The following HIVEP1 variants were observed in gnomAD, a reference collection of about 807,000 sequenced individuals.
The protein encoded by HIVEP1 is HIVEP zinc finger 1, also known as zinc finger protein 40.
HIVEP1 carries 36 observed loss-of-function variants against 180.0 expected under a neutral mutation model. The ratio of observed to expected loss-of-function variants is 0.20; its 90% confidence interval spans 0.15 to 0.26. HIVEP1 has a LOEUF of 0.26. Ranked by LOEUF, HIVEP1 falls within the 10% of genes least tolerant of loss-of-function variation. The pLI is 1.00. For synonymous variants in HIVEP1, 1,239 were observed against 1,239.0 expected (o/e 1.00, Z 0.00); for missense variants, 3,143 against 3,268.7 (o/e 0.96, Z 0.94).
chr6:12,211,579 TC>T, the HIVEP1 span, among the ~76,000 whole-genome samples: 8 of 151,668 alleles, frequency 5.3e-5, no homozygotes, highest in Non-Finnish European at 1.2e-4. Flanking sequence ...CATACATACA[TC>T]CATGTGTGTG....
intron 2 of HIVEP1, among the ~76,000 whole-genome samples, chr6:12,025,754 C>T (rs191332279): frequency 1.4e-3 from 211 of 152,276 alleles, no homozygotes; most frequent in African/African-American, 4.8e-3. Flanking sequence ...AAATAACCAT[C>T]GTTGGCCAAG....
At chr6:12,153,981 C>G (rs1759863304) in intron 7 of HIVEP1, among the ~76,000 whole-genome samples, 1 of 152,184 alleles carries the variant, frequency 6.6e-6, no homozygotes, top group African/African-American at 2.4e-5. Context: ...AACCCCGTCT[C>G]TACTAAAAGT....
Position 12,124,469 on chromosome 6 carries a change from C to T in HIVEP1, c.4674C>T (p.Pro1558=), listed in dbSNP as rs1438645263. 6.2e-7 allele frequency: 1 copy of T among 1,614,140 alleles called. No homozygotes were observed. The highest frequency in any genetic ancestry group is 8.5e-7 in the Non-Finnish European group (1 of 1,180,008). The change falls in exon 4 of 9, where the codon CCC becomes CCT. Residue 1558 remains proline, a synonymous_variant. Transcript: ENST00000379388. ...GSSKSEDCFA[P]KYQLHCQVFT... ...CTAAAAGTGAGGATTGCTTTGCTCCCAAATACCAATTGCATTGTCAGGTTT... is the reference window on the plus strand; with the variant it reads ...CTAAAAGTGAGGATTGCTTTGCTCCTAAATACCAATTGCATTGTCAGGTTT...
chr6:12,046,478 G>C (rs1414013707), intron 2 of HIVEP1, among the ~76,000 whole-genome samples: 1 of 152,124 alleles, frequency 6.6e-6, no homozygotes, highest in Non-Finnish European at 1.5e-5. Flanking sequence ...GCAGACACTG[G>C]AGTTAGAATC....
intron 2 of HIVEP1, among the ~76,000 whole-genome samples, chr6:12,065,501 G>A (rs1771509885): frequency 6.6e-6 from 1 of 152,120 alleles, no homozygotes; most frequent in Non-Finnish European, 1.5e-5. Flanking sequence ...TAGAATACAG[G>A]GATGTGGCAT....
intron 2 of HIVEP1, chr6:12,038,458 G>A: frequency 6.6e-6 from 1 of 152,240 alleles, no homozygotes. Flanking sequence ...CAGATCACGA[G>A]GTCAAGAGAT....
At chr6:12,155,620 T>C (rs2113667012) in intron 7 of HIVEP1, among the ~76,000 whole-genome samples, 1 of 152,392 alleles carries the variant, frequency 6.6e-6, no homozygotes, top group African/African-American at 2.4e-5. Flanking sequence ...GAGTATTCTA[T>C]GGTGTACATG....
At position 12,161,855 on chromosome 6, in the gene HIVEP1, A is replaced by G. The variant is rs1760428328; in HGVS notation, c.6904A>G (p.Met2302Val). The G allele has an allele frequency of 2.5e-6, 4 of 1,614,036 alleles. No individual in the cohort carries two copies. Among genetic ancestry groups the G allele is most frequent in the African/African-American group, 2.7e-5 (2 of 75,052 alleles). ...CACTTCCAGGTCCCCGTGTCATCAG[A>G]TGTCTGTGGACTACCCTGAGTCAGA... ...VDTSRSPCHQ[M>V]SVDYPESEEI... Residue 2302 changes from methionine to valine, a missense_variant, in exon 8 of 9, where the codon ATG becomes GTG. Met to Val is a conservative substitution (Grantham distance 21, BLOSUM62 1). Around this residue, in one of 12 missense-constraint regions of HIVEP1, gnomAD observed 595 missense variants for 602.2 expected, o/e 0.99. Transcript: ENST00000379388.
At chr6:12,176,869 T>C in the HIVEP1 span, among the ~76,000 whole-genome samples, 10 of 152,350 alleles carry the variant, frequency 6.6e-5, no homozygotes, top group South Asian at 2.1e-3. Context: ...TTGTTGTCAT[T>C]GCTTTTGGCT....
At chr6:12,092,842 G>A (rs990873376) in intron 3 of HIVEP1, among the ~76,000 whole-genome samples, 12 of 152,168 alleles carry the variant, frequency 7.9e-5, no homozygotes, top group Non-Finnish European at 1.5e-4. Context: ...GCATCATTCA[G>A]AACCAGAAGA....
At chr6:12,192,750 T>A in the HIVEP1 span, among the ~76,000 whole-genome samples, 1 of 152,122 alleles carries the variant, frequency 6.6e-6, no homozygotes, top group African/African-American at 2.4e-5. Context: ...GTAAATTAAA[T>A]CTCTTTTCTT....
At position 12,120,077 on chromosome 6, in the gene HIVEP1, C is replaced by T. The variant is rs540749567; in HGVS notation, c.282C>T (p.His94=). The change falls in exon 4 of 9, where the codon CAC becomes CAT. Residue 94 remains histidine (H), a synonymous_variant. Coordinates refer to ENST00000379388, the MANE Select transcript of HIVEP1 (RefSeq NM_002114.4). ...FAVLHSASES[H]KKQNYIPVKN... is the part of the protein sequence containing the mutation. ...TTCTTCATAGTGCTTCGGAGTCTCA[C>T]AAGAAACAGAATTATATTCCTGTAA... 245 of 1,612,812 alleles carry T rather than the reference C, an allele frequency of 1.5e-4. No homozygotes were observed. Among genetic ancestry groups the T allele is most frequent in the Non-Finnish European group, 1.8e-4 (217 of 1,179,642 alleles).
chr6:12,103,870 TGCAAGTTTGTTGTG>T (rs1774251282), intron 3 of HIVEP1, among the ~76,000 whole-genome samples: 1 of 152,138 alleles, frequency 6.6e-6, no homozygotes. Context: ...TTTCCATTTG[TGCAAGTTTGTTGTG>T]GCAAATTCTT....
At chr6:12,167,579 T>TGC (rs1554161336), downstream of HIVEP1, among the ~76,000 whole-genome samples, 1 of 9,188 alleles carries the variant, frequency 1.1e-4, no homozygotes, top group Non-Finnish European at 2.7e-4. Context: ...ATGTTATATA[T>TGC]ACGTTATATT....
intron 2 of HIVEP1, among the ~76,000 whole-genome samples, chr6:12,060,221 AAC>A (rs1771136542): frequency 6.6e-6 from 1 of 152,198 alleles, no homozygotes; most frequent in Non-Finnish European, 1.5e-5. Flanking sequence ...CTATATATTA[AAC>A]AGTTATTGTA....
the HIVEP1 span, among the ~76,000 whole-genome samples, chr6:12,204,369 C>T: frequency 4.5e-3 from 195 of 43,654 alleles, 1 homozygote; most frequent in African/African-American, 0.034. Flanking sequence ...CTCCCTTCCC[C>T]GTCTATCCTC....
At chr6:12,073,096 G>A (rs1369944649) in intron 2 of HIVEP1, among the ~76,000 whole-genome samples, 1 of 152,166 alleles carries the variant, frequency 6.6e-6, no homozygotes, top group Non-Finnish European at 1.5e-5. Flanking sequence ...TTTCTAGCAG[G>A]CAGTTAAATT....
chr6:12,171,968 C>T, the HIVEP1 span, among the ~76,000 whole-genome samples: 2 of 152,232 alleles, frequency 1.3e-5, no homozygotes, highest in South Asian at 4.1e-4. Flanking sequence ...ATGGACACCA[C>T]CTCCAAGAGC....
chr6:12,085,707 G>A (rs1773074695), intron 2 of HIVEP1, among the ~76,000 whole-genome samples: 1 of 152,092 alleles, frequency 6.6e-6, no homozygotes, highest in South Asian at 2.1e-4. Context: ...GGGAATGAGA[G>A]GCAGGCCTCT....
Sources: gnomAD v4.1 joint callset for allele counts (sites outside exome capture counted in the v4.1 genomes callset) on GRCh38, gnomAD v4.1.1 for gene constraint, gnomAD v4.1.1 regional missense constraint, MANE v1.5 for transcripts, NCBI Gene and HGNC (gene_info 2026-07-23, HGNC 2026-07-21) for gene names.